FAT1: variants seen among roughly 807,000 people sequenced by gnomAD.
FAT1 encodes the protein protocadherin Fat 1.
A neutral mutation model predicts 329.8 loss-of-function variants in FAT1; 171 were observed. The ratio of observed to expected loss-of-function variants is 0.52; its 90% CI spans 0.46 to 0.59. The LOEUF (loss-of-function observed/expected upper bound fraction) is 0.59. FAT1 is among the 20% of genes least tolerant of loss of function. The probability of loss-of-function intolerance (pLI) is 0.00; values close to 1 mark genes in which losing one functional copy is unlikely to be tolerated. For synonymous variants in FAT1, 2,233 were observed against 2,228.6 expected, an observed-to-expected ratio of 1.00 and a Z score of -0.06; for missense variants, 5,672 against 5,774.4, an observed-to-expected ratio of 0.98 and a Z score of 0.57.
chr4:186,693,676 C>T (rs958205934), intron 2 of FAT1, among the ~76,000 whole-genome samples: 2 of 151,912 alleles, frequency 1.3e-5, no homozygotes, highest in South Asian at 2.1e-4. Flanking sequence ...ACCCACAGAA[C>T]GGTGACCCAA....
At chr4:186,711,220 G>A (rs1744934867) in intron 1 of FAT1, among the ~76,000 whole-genome samples, 1 of 151,978 alleles carries the variant, frequency 6.6e-6, no homozygotes, top group Admixed American at 6.5e-5. Context: ...TTGCCTTAGG[G>A]GGAAAAAAAG....
rs368224090 is a variant in FAT1 at position 186,602,921 on chromosome 4, T to C, written c.11464A>G (p.Arg3822Gly). The change falls in exon 20 of 27, where the codon AGG becomes GGG. Residue 3822 changes from arginine to glycine, a missense_variant. Physicochemically the swap from Arg to Gly is moderately radical, Grantham distance 125. Coordinates refer to ENST00000441802, the MANE Select transcript of FAT1 (RefSeq NM_005245.4). ...CTCTCACCTGGGCACTGACCAAACC[T>C]GCCGCTGGGACAGACACAGGTGTGT... ...EKHTCVCPSG[R>G]FGQCPGSSSM... 6.2e-7 allele frequency: 1 copy of C among 1,613,938 alleles called. No individual in the cohort carries two copies. Among genetic ancestry groups the C allele is most frequent in the Non-Finnish European group, 8.5e-7 (1 of 1,179,850 alleles).
chr4:186,612,107 C>G (rs529420029), intron 13 of FAT1, among the ~76,000 whole-genome samples: 1 of 147,726 alleles, frequency 6.8e-6, no homozygotes, highest in South Asian at 2.2e-4. Context: ...CCGCACCCGG[C>G]CAACGCTTTT....
Position 186,708,684 on chromosome 4 carries a change from G to A in FAT1, c.1144C>T (p.Pro382Ser), listed in dbSNP as rs201703281. 4.0e-5 allele frequency: 65 copies of A among 1,613,732 alleles called. No individual in the cohort carries two copies. Among genetic ancestry groups the A allele is most frequent in the Non-Finnish European group, 4.3e-5 (51 of 1,179,900 alleles). ...YRAEISEFAP[P>S]NTPVVMVKAI... ...TTTACCATGACCACAGGTGTGTTGG[G>A]AGGAGCAAATTCACTTATTTCTGCT... Residue 382 changes from proline (P) to serine (S), a missense_variant, in exon 2 of 27, where the codon CCC (proline) becomes TCC (serine). Pro to Ser is a moderately conservative substitution (Grantham distance 74). Transcript: ENST00000441802.
chr4:186,698,885 AC>A (rs1744164838), intron 2 of FAT1, among the ~76,000 whole-genome samples: 1 of 152,240 alleles, frequency 6.6e-6, no homozygotes, highest in African/African-American at 2.4e-5. Flanking sequence ...AACGCATCAC[AC>A]CATAAACTAC....
chr4:186,609,706 A>G lies in FAT1; in HGVS notation c.10068+95T>C, dbSNP rs895754770. The G allele has an allele frequency of 4.9e-6, 4 of 819,738 alleles. No homozygotes were observed. The African/African-American group carries it at 6.9e-5, about 14-fold the overall frequency. The allele number at this position is 819,738 out of a possible 1,614,324, so 50.8% of individuals were successfully genotyped here. A position where few individuals can be genotyped will look rare whatever the true frequency, so the allele number is the denominator to read the frequency against. ...CTTTCAAATCTCCAAAATATTTACAAAGGCCGCTACAAAAACTAGATTGAT... is the reference window on the plus strand; with the variant it reads ...CTTTCAAATCTCCAAAATATTTACAGAGGCCGCTACAAAAACTAGATTGAT... On this transcript the variant is annotated intron_variant, in intron 15 of 26. Coordinates refer to ENST00000441802, the MANE Select transcript of FAT1 (RefSeq NM_005245.4).
chr4:186,620,906 T>C lies in FAT1; in HGVS notation c.5680A>G (p.Lys1894Glu), dbSNP rs1740010336. The change falls in exon 10 of 27, where the codon AAA becomes GAA. Residue 1894 changes from lysine (K) to glutamate (E), a missense_variant. Physicochemically the swap from Lys to Glu is moderately conservative, Grantham distance 56. Transcript: ENST00000441802. ...TTTACTGTGATGACTTTTACTCCTT[T>C]GTATGTTGGTAACAAAAGAGATGCT... Reference protein sequence around the residue: ...YEASLLLPTYKGVKVITVNAT... With the variant: ...YEASLLLPTYEGVKVITVNAT... 6.2e-7 allele frequency: 1 copy of C among 1,614,050 alleles called. No homozygotes were observed. Among genetic ancestry groups the C allele is most frequent in the Non-Finnish European group, 8.5e-7 (1 of 1,179,890 alleles).
chr4:186,691,827 TA>T (rs995089664), intron 2 of FAT1, among the ~76,000 whole-genome samples: 1 of 151,728 alleles, frequency 6.6e-6, no homozygotes, highest in Middle Eastern at 3.4e-3. Flanking sequence ...AATAAAATAT[TA>T]AAAAAAACAG....
intron 2 of FAT1, among the ~76,000 whole-genome samples, chr4:186,705,666 G>A (rs1047164334): frequency 1.3e-5 from 2 of 152,114 alleles, no homozygotes; most frequent in Non-Finnish European, 2.9e-5. Context: ...GCCCCGAAAG[G>A]CTCACACTCC....
rs1313950389 is a variant in FAT1 at position 186,723,827 on chromosome 4, C to T, written c.-182G>A. 1 of 150,398 alleles carries T rather than the reference C, an allele frequency of 6.6e-6. No homozygotes were observed. Among genetic ancestry groups the T allele is most frequent in the East Asian group, 2.0e-4 (1 of 5,030 alleles). The allele number at this position is 150,398 out of a possible 1,614,324, so 9.3% of individuals were successfully genotyped here. On this transcript the variant is annotated 5_prime_UTR_variant, in exon 1 of 27. Transcript: ENST00000441802. ...CCCGCGCCCTCTCCCCGCGCCCGGCCGCCCAGCTCGGCGCCGGCGCCTCAC... is the reference window on the plus strand; with the variant it reads ...CCCGCGCCCTCTCCCCGCGCCCGGCTGCCCAGCTCGGCGCCGGCGCCTCAC...
chr4:186,693,802 T>C (rs1449577069), intron 2 of FAT1, among the ~76,000 whole-genome samples: 4 of 152,172 alleles, frequency 2.6e-5, no homozygotes. Flanking sequence ...CCAAAGACAA[T>C]AAAACGTTTC....
chr4:186,627,495 C>T (rs1407243718), intron 9 of FAT1, among the ~76,000 whole-genome samples: 1 of 152,112 alleles, frequency 6.6e-6, no homozygotes, highest in African/African-American at 2.4e-5. Flanking sequence ...CTCTGGGTCC[C>T]GGAACCGTCC....
In FAT1 at chr4:186,602,947, T is replaced by C. The variant is rs1340632139; in HGVS notation, c.11438A>G (p.Lys3813Arg). The change falls in exon 20 of 27, where the codon AAA becomes AGA. Residue 3813 changes from lysine to arginine, a missense_variant. By Grantham distance (26) the Lys-to-Arg change is conservative. This residue lies in a region of FAT1 where 1,706 missense variants were observed against 1,859.1 expected (regional missense o/e 0.92). Transcript: ENST00000441802. Reference protein sequence around the residue: ...SECVSDPWEEKHTCVCPSGRF... With the variant: ...SECVSDPWEERHTCVCPSGRF... ...GCCGCTGGGACAGACACAGGTGTGT[T>C]TCTCCTCCCAGGGATCAGACACACA... 1 of 1,613,930 alleles carries C rather than the reference T, an allele frequency of 6.2e-7. No individual in the cohort carries two copies. The highest frequency in any genetic ancestry group is 1.7e-5 in the Admixed American group (1 of 60,016).
chr4:186,617,286 T>TTA (rs1739759171), intron 10 of FAT1, 85 bp from the exon 11 acceptor site: 4 of 931,668 alleles, frequency 4.3e-6, no homozygotes, highest in African/African-American at 1.7e-5. Flanking sequence ...GTACAAAAGA[T>TTA]GTATAATGTT....
rs758757364 is a variant in FAT1 at position 186,589,151 on chromosome 4, T to A, written c.13208A>T (p.Tyr4403Phe). ...PLPDIQEFPN[Y>F]EVIDEQTPLY... Reference sequence around the variant, plus strand: ...GGGTGTCTGCTCATCAATCACCTCATAGTTGGGGAACTCTTGTATGTCCGG... The same window carrying A: ...GGGTGTCTGCTCATCAATCACCTCAAAGTTGGGGAACTCTTGTATGTCCGG... The change falls in exon 27 of 27, where the codon TAT (tyrosine) becomes TTT (phenylalanine). Residue 4403 changes from tyrosine to phenylalanine, a missense_variant. Physicochemically the swap from Tyr to Phe is conservative, Grantham distance 22 (BLOSUM62 3). Coordinates refer to ENST00000441802, the MANE Select transcript of FAT1 (RefSeq NM_005245.4). 1.5e-5 allele frequency: 25 copies of A among 1,613,926 alleles called. No individual in the cohort carries two copies. Among genetic ancestry groups the A allele is most frequent in the Non-Finnish European group, 2.1e-5 (25 of 1,179,864 alleles).
Position 186,596,477 on chromosome 4 carries a change from G to T in FAT1, c.13000+63C>A, listed in dbSNP as rs1738514875. ...AGAGTACACACATTTTGACTGGACA[G>T]AATTTGTAACCTCACTGTTTATCTC... On this transcript the variant is annotated intron_variant, in intron 25 of 26. Coordinates refer to ENST00000441802, the MANE Select transcript of FAT1 (RefSeq NM_005245.4). The surrounding 1 kb of genome is among the most constrained non-coding windows in gnomAD (Gnocchi z 4.7). 6 of 1,530,624 alleles carry T rather than the reference G, an allele frequency of 3.9e-6. No individual in the cohort carries two copies. The highest frequency in any genetic ancestry group is 2.0e-5 in the Admixed American group (1 of 50,226). The allele number at this position is 1,530,624 out of a possible 1,614,324, so 94.8% of individuals were successfully genotyped here.
intron 3 of FAT1, 92 bp from the exon 4 acceptor site, chr4:186,639,875 G>T: frequency 1.9e-6 from 2 of 1,080,006 alleles, no homozygotes; most frequent in Non-Finnish European, 2.8e-6. Flanking sequence ...AGGTGCGGTA[G>T]CTCATGCCTT....
chr4:186,715,431 G>A (rs1414823668), intron 1 of FAT1, among the ~76,000 whole-genome samples: 1 of 152,214 alleles, frequency 6.6e-6, no homozygotes, highest in Non-Finnish European at 1.5e-5. Context: ...GAATGCTACT[G>A]TGAGTAGAAT....
Position 186,618,143 on chromosome 4 carries a change from C to T in FAT1, c.8443G>A (p.Glu2815Lys), listed in dbSNP as rs2126491660. The change falls in exon 10 of 27, where the codon GAG (glutamate) becomes AAG (lysine). Residue 2815 changes from glutamate to lysine, a missense_variant. Physicochemically the swap from Glu to Lys is moderately conservative, Grantham distance 56 (BLOSUM62 1). This residue lies in a region of FAT1 where 3,966 missense variants were observed against 3,915.2 expected (regional missense o/e 1.01). Transcript: ENST00000441802. ...GGCAGGTTTTCAACAATGAATGCCT[C>T]ATATGGACTAGATTCAAAGACCGGG... ...NSPVFESSPY[E>K]AFIVENLPGG... is the part of the protein sequence containing the mutation. The T allele has an allele frequency of 1.2e-6, 2 of 1,613,998 alleles. No homozygotes were observed. Among genetic ancestry groups the T allele is most frequent in the Non-Finnish European group, 8.5e-7 (1 of 1,179,892 alleles).
Sources: gnomAD v4.1 joint callset for allele counts (sites outside exome capture counted in the v4.1 genomes callset) on GRCh38, gnomAD v4.1.1 for gene constraint, gnomAD v4.1.1 regional missense constraint, Gnocchi (gnomAD v3.1) non-coding constraint, MANE v1.5 for transcripts, NCBI Gene and HGNC (gene_info 2026-07-23, HGNC 2026-07-21) for gene names.